KAZN: variants seen among roughly 807,000 people sequenced by gnomAD.
KAZN encodes kazrin, periplakin interacting protein.
Under a neutral mutation model 87.4 loss-of-function variants are expected in KAZN, and 40 were observed. The ratio of observed to expected loss-of-function variants is 0.46; its 90% CI spans 0.36 to 0.60. The LOEUF is 0.60. Ranked by LOEUF, KAZN falls within the 20% of genes least tolerant of loss-of-function variation. KAZN has a pLI of 0.00. For synonymous variants in KAZN, 466 were observed against 458.3 expected (o/e 1.02, Z -0.22); for missense variants, 898 against 1,073.9 (o/e 0.84, Z 2.29).
In KAZN at chr1:13,909,918, C is replaced by T. The variant is rs181456165; in HGVS notation, c.91+16162C>T. ...CAAATGTTGAGGCTCATGGAGGCCT[C>T]GTTTAAACCCAGATGATGGTGGTCA... On this transcript the variant is annotated intron_variant, in intron 1 of 16. Transcript: ENST00000636203. Among the ~76,000 whole-genome samples, 225 of 152,246 alleles carry T rather than the reference C, an allele frequency of 1.5e-3. 2 individuals carry two copies. The highest frequency in any genetic ancestry group is 5.2e-3 in the African/African-American group (214 of 41,552).
At chr1:15,040,595 G>C (rs942011358) in intron 3 of KAZN, among the ~76,000 whole-genome samples, 1 of 152,028 alleles carries the variant, frequency 6.6e-6, no homozygotes, top group South Asian at 2.1e-4. Flanking sequence ...ACAAAAGCCT[G>C]CCTCTACTAA....
intron 2 of KAZN, among the ~76,000 whole-genome samples, chr1:14,292,220 AAAGT>A (rs757137059): frequency 1.3e-3 from 201 of 152,360 alleles, no homozygotes; most frequent in Middle Eastern, 3.4e-3. Context: ...AGAAGCAATG[AAAGT>A]AAGCAATATG....
intron 1 of KAZN, among the ~76,000 whole-genome samples, chr1:14,131,743 A>T (rs1644996854): frequency 1.3e-5 from 2 of 152,090 alleles, no homozygotes. Flanking sequence ...TTCCAGGTAA[A>T]GTAGGGTTCA....
intron 1 of KAZN, among the ~76,000 whole-genome samples, chr1:13,947,784 G>A (rs1417081309): frequency 3.9e-5 from 6 of 152,238 alleles, no homozygotes; most frequent in East Asian, 1.9e-4. Context: ...GTATCTTCAC[G>A]TGATCTTCCG....
intron 2 of KAZN, among the ~76,000 whole-genome samples, chr1:14,516,893 G>A (rs1571845504): frequency 6.6e-6 from 1 of 152,260 alleles, no homozygotes; most frequent in South Asian, 2.1e-4. Flanking sequence ...CAAAATGTGT[G>A]TTTTAAATCA....
chr1:14,901,709 T>G (rs181745888), intron 1 of KAZN, among the ~76,000 whole-genome samples: 259 of 152,184 alleles, frequency 1.7e-3, no homozygotes, highest in African/African-American at 6.0e-3. Flanking sequence ...CCAGGTCACA[T>G]CCCCAAAACA....
chr1:14,557,043 A>G (rs1471822531), intron 2 of KAZN, among the ~76,000 whole-genome samples: 1 of 152,234 alleles, frequency 6.6e-6, no homozygotes, highest in Non-Finnish European at 1.5e-5. Flanking sequence ...AATAATCCAC[A>G]CAGCAAAATA....
intron 2 of KAZN, among the ~76,000 whole-genome samples, chr1:14,331,853 T>C (rs1656881940): frequency 6.6e-6 from 1 of 152,174 alleles, no homozygotes; most frequent in African/African-American, 2.4e-5. Flanking sequence ...GTATGCACGC[T>C]TTAAATGCCT....
In KAZN at chr1:14,656,181, C is replaced by A. The variant is rs148324016; in HGVS notation, c.226+56958C>A. On this transcript the variant is annotated intron_variant, in intron 1 of 14. Coordinates refer to ENST00000376030, the MANE Select transcript of KAZN (RefSeq NM_201628.3). Reference sequence around the variant, plus strand: ...AGGACACACGTTCAGGCGCATCTGCCATACAAGGTCATTCTCGGGGTAGGC... The same window carrying A: ...AGGACACACGTTCAGGCGCATCTGCAATACAAGGTCATTCTCGGGGTAGGC... Among the ~76,000 whole-genome samples the A allele has an allele frequency of 3.7e-3, 566 of 152,228 alleles. 7 individuals carry two copies. Among genetic ancestry groups the A allele is most frequent in the African/African-American group, 0.013 (539 of 41,528 alleles).
intron 1 of KAZN, among the ~76,000 whole-genome samples, chr1:14,864,817 C>T (rs1007174156): frequency 1.3e-5 from 2 of 152,116 alleles, no homozygotes; most frequent in Non-Finnish European, 2.9e-5. Context: ...GCTATCACTT[C>T]CCCTCTCAGA....
chr1:14,766,031 C>T (rs189170613), intron 1 of KAZN, among the ~76,000 whole-genome samples: 1 of 152,272 alleles, frequency 6.6e-6, no homozygotes, highest in East Asian at 1.9e-4. Context: ...GACTCAAGGG[C>T]ACATGCATGT....
At chr1:14,859,816 C>G (rs969666252) in intron 1 of KAZN, among the ~76,000 whole-genome samples, 1 of 152,272 alleles carries the variant, frequency 6.6e-6, no homozygotes, top group African/African-American at 2.4e-5. Flanking sequence ...CCACTATTTC[C>G]CCTTAGCGCT....
intron 2 of KAZN, among the ~76,000 whole-genome samples, chr1:14,377,679 CA>C (rs1187968924): frequency 6.6e-6 from 1 of 152,176 alleles, no homozygotes; most frequent in Non-Finnish European, 1.5e-5. Context: ...TTAGGGCATG[CA>C]ACTGACTTTT....
At chr1:14,365,661 A>G (rs1659936172) in intron 2 of KAZN, among the ~76,000 whole-genome samples, 1 of 152,016 alleles carries the variant, frequency 6.6e-6, no homozygotes, top group Admixed American at 6.6e-5. Context: ...CCCAGCCTCT[A>G]CTCACTAGAT....
chr1:14,041,374 C>T (rs1389369490), intron 1 of KAZN, among the ~76,000 whole-genome samples: 2 of 152,094 alleles, frequency 1.3e-5, no homozygotes, highest in East Asian at 3.9e-4. Context: ...GATTTTATTT[C>T]CTTTCTTCTC....
At chr1:14,718,317 G>A (rs1380593704) in intron 1 of KAZN, among the ~76,000 whole-genome samples, 2 of 152,146 alleles carry the variant, frequency 1.3e-5, no homozygotes, top group Non-Finnish European at 2.9e-5. Flanking sequence ...CGTGGTAGGC[G>A]GTGTGCCCTC....
At chr1:14,804,408 G>T (rs982695768) in intron 1 of KAZN, among the ~76,000 whole-genome samples, 1 of 152,132 alleles carries the variant, frequency 6.6e-6, no homozygotes, top group African/African-American at 2.4e-5. Flanking sequence ...GTAAGTCCTT[G>T]TGTCTCCCCA....
At chr1:14,298,425 A>G (rs1654290215) in intron 2 of KAZN, among the ~76,000 whole-genome samples, 1 of 152,216 alleles carries the variant, frequency 6.6e-6, no homozygotes, top group Non-Finnish European at 1.5e-5. Flanking sequence ...GTTGATGGAG[A>G]AAGAAGATAT....
chr1:14,934,332 G>T (rs997959707), intron 1 of KAZN, among the ~76,000 whole-genome samples: 1 of 151,000 alleles, frequency 6.6e-6, no homozygotes, highest in Admixed American at 6.6e-5. Context: ...TCAGCCTCCC[G>T]AGTAGCTGGG....
Sources: gnomAD v4.1 joint callset for allele counts (sites outside exome capture counted in the v4.1 genomes callset) on GRCh38, gnomAD v4.1.1 for gene constraint, MANE v1.5 for transcripts, NCBI Gene and HGNC (gene_info 2026-07-23, HGNC 2026-07-21) for gene names.